Variants in STX1B observed in about 807,000 individuals in gnomAD.
The protein encoded by STX1B is syntaxin-1B.
Under a neutral mutation model 39.4 loss-of-function variants are expected in STX1B, and 7 were observed. The observed-to-expected ratio is 0.18, with a 90% CI of 0.10 to 0.33. STX1B has a LOEUF of 0.33. STX1B is among the 10% of genes least tolerant of loss of function. The pLI is 1.00. For synonymous variants in STX1B, 136 were observed against 144.1 expected, an observed-to-expected ratio of 0.94 and a Z score of 0.40; for missense variants, 198 against 383.2, an observed-to-expected ratio of 0.52 and a Z score of 4.04.
At position 31,001,715 on chromosome 16, in the gene STX1B, T is replaced by A; in HGVS notation, c.31-112A>T. 3.7e-6 allele frequency: 3 copies of A among 806,342 alleles called. No individual in the cohort carries two copies. Among genetic ancestry groups the A allele is most frequent in the African/African-American group, 1.7e-5 (1 of 58,194 alleles). 49.9% of individuals were successfully genotyped at this position (806,342 alleles called of 1,614,324 possible). ...ATGCACACACAGGTGCTCCCAGCTC[T>A]AGGCTCAGAGGAGGGGTCCTGGGAG... On this transcript the variant is annotated intron_variant, in intron 1 of 9. Coordinates refer to ENST00000215095, the MANE Select transcript of STX1B (RefSeq NM_052874.5). This position sits in a 1 kb window ranked among gnomAD's most constrained non-coding sequence, Gnocchi z 5.5.
In STX1B at chr16:30,992,883, T is replaced by G. The variant is rs530737248; in HGVS notation, c.805A>C (p.Ile269Leu). 25 of 1,613,436 alleles carry G rather than the reference T, an allele frequency of 1.5e-5. No individual in the cohort carries two copies. The South Asian group carries it at 2.6e-4, about 17-fold the overall frequency. Residue 269 changes from isoleucine to leucine, a missense_variant, in exon 10 of 10, where the codon ATT becomes CTT. Ile to Leu is a conservative substitution (Grantham distance 5). Transcript: ENST00000215095. The stretch of plus-strand genomic sequence containing the variant: ...ACCACCCCCAGCACCACACAGCAAA[T>G]GATGATCATGATTTTCTTCTGCAGC... ...KARRKKIMIIICCVVLGVVLA... is the reference protein window; with the variant it reads ...KARRKKIMIILCCVVLGVVLA...
At chr16:31,009,647 C>A (rs2056671228) in intron 1 of STX1B, among the ~76,000 whole-genome samples, 1 of 152,032 alleles carries the variant, frequency 6.6e-6, no homozygotes, top group South Asian at 2.1e-4. Flanking sequence ...GGAGCCGGGC[C>A]TCTTCAGGCC....
intron 1 of STX1B, among the ~76,000 whole-genome samples, chr16:31,005,521 T>C (rs890475108): frequency 7.2e-6 from 1 of 139,490 alleles, no homozygotes; most frequent in Admixed American, 8.1e-5. Context: ...TTGCCCAGGC[T>C]GGTCTCGAAC....
At chr16:31,000,792 T>C in intron 4 of STX1B, 136 bp downstream of exon 4, 2 of 844,804 alleles carry the variant, frequency 2.4e-6, no homozygotes, top group South Asian at 3.3e-5. Context: ...AGAGACAGAG[T>C]TTTGCCATGT....
At chr16:30,997,273 G>A (rs984944557) in intron 5 of STX1B, among the ~76,000 whole-genome samples, 1 of 152,180 alleles carries the variant, frequency 6.6e-6, no homozygotes, top group Non-Finnish European at 1.5e-5. Flanking sequence ...CCCCATCTTA[G>A]GCCAACACCA....
chr16:31,001,651 C>T lies in STX1B; in HGVS notation c.31-48G>A, dbSNP rs2056631022. On this transcript the variant is annotated intron_variant, in intron 1 of 9. Transcript: ENST00000215095. The surrounding 1 kb of genome is among the most constrained non-coding windows in gnomAD (Gnocchi z 5.5). ...CCATGAGCAGGCCCTACCTGGGTCC[C>T]CAAGGCTGGCTCTCCAGCTCTCCCA... The T allele has an allele frequency of 1.3e-6, 2 of 1,500,998 alleles. No homozygotes were observed. Among genetic ancestry groups the T allele is most frequent in the South Asian group, 2.3e-5 (2 of 85,752 alleles). 93.0% of individuals were successfully genotyped at this position (1,500,998 alleles called of 1,614,324 possible).
chr16:30,996,835 G>C (rs2056595161), intron 6 of STX1B, 79 bp from the exon 7 acceptor site: 8 of 1,580,442 alleles, frequency 5.1e-6, no homozygotes, highest in Non-Finnish European at 6.9e-6. Context: ...CGGGGACCTG[G>C]GGCCCACCCT....
chr16:30,995,066 C>T (rs2143665421), intron 7 of STX1B, among the ~76,000 whole-genome samples: 1 of 152,134 alleles, frequency 6.6e-6, no homozygotes, highest in Non-Finnish European at 1.5e-5. Flanking sequence ...CACACGCCAC[C>T]ATGCCTGGCT....
chr16:31,003,964 C>T (rs1225900224), intron 1 of STX1B, among the ~76,000 whole-genome samples: 2 of 152,204 alleles, frequency 1.3e-5, no homozygotes, highest in Non-Finnish European at 2.9e-5. Context: ...ACCCAGGCCA[C>T]ATAGGGCCAG....
Position 31,010,494 on chromosome 16 carries a change from G to T in STX1B, c.-98C>A, listed in dbSNP as rs879099807. The T allele has an allele frequency of 2.1e-6, 2 of 950,458 alleles. No individual in the cohort carries two copies. The highest frequency in any genetic ancestry group is 9.4e-5 in the South Asian group (2 of 21,216). The allele number at this position is 950,458 out of a possible 1,614,324, so 58.9% of individuals were successfully genotyped here. ...CGGAGGCCGGGGTCTGGGGGCGCCG[G>T]GGGGCGCCGCGGCCGCTGCGGGGGG... is the stretch of plus-strand genomic sequence containing the variant. On this transcript the variant is annotated 5_prime_UTR_variant, in exon 1 of 10. Coordinates refer to ENST00000215095, the MANE Select transcript of STX1B (RefSeq NM_052874.5).
Position 30,996,718 on chromosome 16 carries a change from G to T in STX1B, c.502C>A (p.Leu168Met). ...TTTNEELEDM[L>M]ESGKLAIFTD... is the part of the protein sequence containing the mutation. ...AAGATGGCCAGCTTCCCGCTCTCCA[G>T]CATGTCTTCCAGTTCTTCGTTGGTG... Residue 168 changes from leucine to methionine, a missense_variant, in exon 7 of 10, where the codon CTG becomes ATG. Transcript: ENST00000215095. 6.2e-7 allele frequency: 1 copy of T among 1,614,148 alleles called. No homozygotes were observed. The highest frequency in any genetic ancestry group is 8.5e-7 in the Non-Finnish European group (1 of 1,179,978).
chr16:30,997,677 G>A (rs769594083), intron 4 of STX1B, 102 bp from the exon 5 acceptor site: 523 of 1,116,746 alleles, frequency 4.7e-4, no homozygotes, highest in Non-Finnish European at 6.3e-4. Flanking sequence ...CGCCAGGCCC[G>A]GGGAGAAACG....
At chr16:31,007,432 A>G (rs916627494) in intron 1 of STX1B, among the ~76,000 whole-genome samples, 1 of 151,850 alleles carries the variant, frequency 6.6e-6, no homozygotes, top group Non-Finnish European at 1.5e-5. Context: ...CTTCTCCCAT[A>G]ACCCACCTTC....
chr16:31,005,470 C>CTT (rs35407745), intron 1 of STX1B, among the ~76,000 whole-genome samples: 2,506 of 113,702 alleles, frequency 0.022, 72 homozygotes, highest in East Asian at 0.097. Flanking sequence ...TTTCTTTTTC[C>CTT]TTTTTTTTTT....
At chr16:31,009,421 G>A (rs571163573) in intron 1 of STX1B, among the ~76,000 whole-genome samples, 11 of 151,966 alleles carry the variant, frequency 7.2e-5, no homozygotes, top group Non-Finnish European at 1.3e-4. Flanking sequence ...AGCCGGGGCC[G>A]GTACCCTTAT....
intron 7 of STX1B, among the ~76,000 whole-genome samples, chr16:30,995,540 G>A (rs938954592): frequency 7.3e-5 from 11 of 151,350 alleles, no homozygotes; most frequent in Admixed American, 2.6e-4. Context: ...TGCCCAGGCC[G>A]GAGTGCAGTG....
chr16:30,997,659 C>A, intron 4 of STX1B, 84 bp from the exon 5 acceptor site: 2 of 1,311,178 alleles, frequency 1.5e-6, no homozygotes, highest in Non-Finnish European at 2.1e-6. Context: ...GTCAACACCC[C>A]GCGGCAGCGC....
intron 7 of STX1B, chr16:30,996,450 T>C: frequency 2.0e-6 from 1 of 505,076 alleles, no homozygotes; most frequent in Non-Finnish European, 3.5e-6. Context: ...TTAAATGAGT[T>C]GGTGGGTGAA....
chr16:30,996,552 T>C, intron 7 of STX1B, 131 bp downstream of exon 7: 3 of 804,408 alleles, frequency 3.7e-6, no homozygotes, highest in Non-Finnish European at 6.1e-6. Flanking sequence ...CCCATGGAAT[T>C]CCCCAGTTCC....
Sources: gnomAD v4.1 joint callset for allele counts (sites outside exome capture counted in the v4.1 genomes callset) on GRCh38, gnomAD v4.1.1 for gene constraint, Gnocchi (gnomAD v3.1) non-coding constraint, MANE v1.5 for transcripts, NCBI Gene and HGNC (gene_info 2026-07-23, HGNC 2026-07-21) for gene names.